The following GCNT2 variants were observed in gnomAD, a reference collection of about 807,000 sequenced individuals.
The protein encoded by GCNT2 is N-acetyllactosaminide beta-1,6-N-acetylglucosaminyl-transferase.
In GCNT2, 34 loss-of-function variants were observed where a neutral mutation model predicts 34.2. The observed-to-expected ratio is 1.00, with a 90% CI of 0.76 to 1.32. The LOEUF is 1.32. GCNT2 is among the 40% of genes most tolerant of loss of function. GCNT2 has a pLI of 0.00. For synonymous variants in GCNT2, 212 were observed against 188.0 expected, an observed-to-expected ratio of 1.13 and a Z score of -1.04; for missense variants, 584 against 489.4, an observed-to-expected ratio of 1.19 and a Z score of -1.82.
intron 3 of GCNT2, among the ~76,000 whole-genome samples, chr6:10,576,470 CG>C (rs1366045875): frequency 6.6e-6 from 1 of 152,018 alleles, no homozygotes; most frequent in Non-Finnish European, 1.5e-5. Flanking sequence ...TGGTCGTAAT[CG>C]TGAGTTTCCT....
Position 10,557,491 on chromosome 6 carries a change from TTC to T in GCNT2, c.925+27657_925+27658del, listed in dbSNP as rs1762776157. 1.1e-5 allele frequency: 7 copies of T among 663,888 alleles called. No homozygotes were observed. In the South Asian group the frequency reaches 1.1e-4, roughly 11 times the overall value. The allele number at this position is 663,888 out of a possible 1,614,324, so 41.1% of individuals were successfully genotyped here. A position where few individuals can be genotyped will look rare whatever the true frequency, so the allele number is the denominator to read the frequency against. Reference sequence around the variant, plus strand: ...AGTCCTTTCTAAATGCAGAAAGATGTTCTTTTTTTTTTTTGAGACTGGATCTC... The same window carrying T: ...AGTCCTTTCTAAATGCAGAAAGATGTTTTTTTTTTTTTGAGACTGGATCTC... On this transcript the variant is annotated intron_variant, in intron 3 of 4. Transcript: ENST00000495262.
At chr6:10,568,015 C>G (rs1056313448) in intron 3 of GCNT2, among the ~76,000 whole-genome samples, 55 of 152,152 alleles carry the variant, frequency 3.6e-4, no homozygotes, top group Non-Finnish European at 1.2e-4. Flanking sequence ...AATTTTGGAG[C>G]TACTATTCTC....
intron 3 of GCNT2, among the ~76,000 whole-genome samples, chr6:10,550,061 CTGTT>C (rs1364412590): frequency 5.9e-5 from 9 of 152,052 alleles, no homozygotes; most frequent in South Asian, 4.2e-4. Context: ...CCAATTTTTT[CTGTT>C]TGTTTGAGAC....
intron 1 of GCNT2, 44 bp downstream of exon 1, chr6:10,521,461 A>G (rs114075055): frequency 7.4e-4 from 113 of 153,010 alleles, no homozygotes; most frequent in African/African-American, 2.6e-3. Context: ...GAGGGAGGAA[A>G]CTGCGGGGAG....
At chr6:10,538,437 A>AAAAAAATATATATAT (rs1554127249) in intron 3 of GCNT2, among the ~76,000 whole-genome samples, 2 of 73,344 alleles carry the variant, frequency 2.7e-5, no homozygotes, top group African/African-American at 2.4e-4. Flanking sequence ...AAAAAAAAAA[A>AAAAAAATATATATAT]ATATATATAT....
intron 3 of GCNT2, among the ~76,000 whole-genome samples, chr6:10,561,082 G>C (rs1211831383): frequency 2.6e-5 from 4 of 152,194 alleles, no homozygotes; most frequent in African/African-American, 7.2e-5. Context: ...TAACATCTCT[G>C]AGCTTTGTAA....
Position 10,626,575 on chromosome 6 carries a change from G to A in GCNT2, c.1177G>A (p.Glu393Lys), listed in dbSNP as rs374648973. 2.2e-5 allele frequency: 36 copies of A among 1,613,844 alleles called. No individual in the cohort carries two copies. The highest frequency in any genetic ancestry group is 3.3e-4 in the Middle Eastern group (2 of 6,084). ...TCGCGAAAGAACCCTCAATCAGAGT[G>A]AAACTGCGATACAACCCAGCTGGTA... ...RHRERTLNQS[E>K]TAIQPSWYF Residue 393 changes from glutamate to lysine, a missense_variant, in exon 5 of 5, where the codon GAA becomes AAA. Transcript: ENST00000495262.
chr6:10,590,836 G>A (rs1004090597), intron 3 of GCNT2, among the ~76,000 whole-genome samples: 3 of 152,184 alleles, frequency 2.0e-5, no homozygotes, highest in Admixed American at 2.0e-4. Flanking sequence ...ACAGGCATGA[G>A]CCACCGCGCC....
In GCNT2 at chr6:10,537,698, CAA is replaced by C. The variant is rs201257236; in HGVS notation, c.925+7889_925+7890del. On this transcript the variant is annotated intron_variant, in intron 3 of 4. Transcript: ENST00000495262. ...CCTGGGCAAGAGGGAGATTCTGCCG[CAA>C]AAAAAAAAAAAAAAAAAAAAAAAAA... Among the ~76,000 whole-genome samples the C allele has an allele frequency of 8.3e-3, 690 of 82,904 alleles. 1 individual carries two copies. Among genetic ancestry groups the C allele is most frequent in the African/African-American group, 0.035 (595 of 16,948 alleles). 54.4% of individuals were successfully genotyped at this position (82,904 alleles called of 152,430 possible).
At chr6:10,594,864 A>C (rs1244022374) in intron 3 of GCNT2, among the ~76,000 whole-genome samples, 1 of 146,762 alleles carries the variant, frequency 6.8e-6, no homozygotes, top group Admixed American at 6.8e-5. Context: ...TTTTTTTTTG[A>C]GATAAGGTCC....
intron 3 of GCNT2, among the ~76,000 whole-genome samples, chr6:10,609,066 G>T (rs1380163174): frequency 6.6e-6 from 1 of 152,198 alleles, no homozygotes; most frequent in African/African-American, 2.4e-5. Flanking sequence ...CCACCCTACT[G>T]CAGGGGTCAA....
In GCNT2 at chr6:10,546,785, T is replaced by C. The variant is rs144867443; in HGVS notation, c.925+16949T>C. 3.2e-3 allele frequency among the ~76,000 whole-genome samples: 488 copies of C among 152,312 alleles called. 3 individuals carry two copies. The highest frequency in any genetic ancestry group is 0.011 in the African/African-American group (466 of 41,568). ...GATTTTTATGAAAGCAGTATATCCTTATTTTAAAAATGTAAACAGTACACA... is the reference window on the plus strand; with the variant it reads ...GATTTTTATGAAAGCAGTATATCCTCATTTTAAAAATGTAAACAGTACACA... On this transcript the variant is annotated intron_variant, in intron 3 of 4. Transcript: ENST00000495262.
chr6:10,530,747 A>C (rs778644186), intron 3 of GCNT2, among the ~76,000 whole-genome samples: 3 of 151,894 alleles, frequency 2.0e-5, no homozygotes, highest in Non-Finnish European at 4.4e-5. Flanking sequence ...AAACAAAAAA[A>C]CCTTATTGCA....
chr6:10,570,136 T>C (rs540884151), intron 3 of GCNT2, among the ~76,000 whole-genome samples: 1 of 152,290 alleles, frequency 6.6e-6, no homozygotes, highest in African/African-American at 2.4e-5. Context: ...GGTTTTGCCA[T>C]GTTACTCAGG....
intron 3 of GCNT2, among the ~76,000 whole-genome samples, chr6:10,568,932 T>G (rs894531475): frequency 1.4e-4 from 22 of 152,176 alleles, no homozygotes; most frequent in Non-Finnish European, 2.6e-4. Context: ...TTTTCTGGTC[T>G]TATTTTTTCC....
At chr6:10,563,051 A>G (rs1249181966) in intron 3 of GCNT2, among the ~76,000 whole-genome samples, 2 of 152,158 alleles carry the variant, frequency 1.3e-5, no homozygotes, top group Admixed American at 6.5e-5. Flanking sequence ...GCTACTCCAG[A>G]GGCTGAGGCA....
At chr6:10,539,345 A>C (rs774105932) in intron 3 of GCNT2, among the ~76,000 whole-genome samples, 33 of 151,700 alleles carry the variant, frequency 2.2e-4, no homozygotes, top group Non-Finnish European at 4.4e-4. Context: ...ATGCACTACC[A>C]CGCCTGGCAA....
At chr6:10,542,735 A>G (rs1762090885) in intron 3 of GCNT2, among the ~76,000 whole-genome samples, 1 of 151,678 alleles carries the variant, frequency 6.6e-6, no homozygotes, top group South Asian at 2.1e-4. Flanking sequence ...CACCACGTTT[A>G]TTTTTTCATC....
At chr6:10,618,786 G>C (rs1190182505) in intron 3 of GCNT2, among the ~76,000 whole-genome samples, 1 of 152,174 alleles carries the variant, frequency 6.6e-6, no homozygotes, top group Non-Finnish European at 1.5e-5. Flanking sequence ...TAATTGTAAA[G>C]TATTAAAATG....
Sources: gnomAD v4.1 joint callset for allele counts (sites outside exome capture counted in the v4.1 genomes callset) on GRCh38, gnomAD v4.1.1 for gene constraint, MANE v1.5 for transcripts, NCBI Gene and HGNC (gene_info 2026-07-23, HGNC 2026-07-21) for gene names.